Variants in SLC10A7 observed in about 807,000 individuals in gnomAD.
SLC10A7 encodes the protein sodium/bile acid cotransporter 7.
A neutral mutation model predicts 43.2 loss-of-function variants in SLC10A7; 29 were observed. The ratio of observed to expected loss-of-function variants is 0.67; its 90% CI spans 0.50 to 0.92. The LOEUF is 0.92. Ranked by LOEUF, SLC10A7 falls within the 40% of genes least tolerant of loss-of-function variation. The pLI is 0.00. For missense variants in SLC10A7, 295 were observed against 403.2 expected (o/e 0.73, Z 2.30); for synonymous variants, 152 against 144.8 (o/e 1.05, Z -0.35).
intron 5 of SLC10A7, among the ~76,000 whole-genome samples, chr4:146,427,546 A>T (rs1729463341): frequency 6.6e-6 from 1 of 152,194 alleles, no homozygotes; most frequent in Non-Finnish European, 1.5e-5. Context: ...TCAGGATTCA[A>T]CCATCTTTGA....
chr4:146,404,955 T>C (rs1560876721), intron 5 of SLC10A7, among the ~76,000 whole-genome samples: 1 of 152,152 alleles, frequency 6.6e-6, no homozygotes, highest in South Asian at 2.1e-4. Flanking sequence ...TCAGGTCCCA[T>C]CTCGCCTAAC....
intron 4 of SLC10A7, among the ~76,000 whole-genome samples, chr4:146,449,815 T>C (rs771958895): frequency 2.0e-5 from 3 of 152,094 alleles, no homozygotes; most frequent in African/African-American, 7.2e-5. Context: ...AAAACGTAGG[T>C]TTGGCCTCAC....
At position 146,283,204 on chromosome 4, in the gene SLC10A7, A is replaced by G; in HGVS notation, c.835T>C (p.Ser279Pro). 2 of 1,613,046 alleles carry G rather than the reference A, an allele frequency of 1.2e-6. No homozygotes were observed. The highest frequency in any genetic ancestry group is 1.7e-6 in the Non-Finnish European group (2 of 1,179,282). The change falls in exon 10 of 12, where the codon TCC becomes CCC. Residue 279 changes from serine (S) to proline (P), a missense_variant. By Grantham distance (74) the Ser-to-Pro change is moderately conservative (BLOSUM62 -1). Transcript: ENST00000335472. ...GTGAATCACTTACCCAATGTAAGGG[A>G]TTTGTGTGTAGAACAGAAAATGATA... ...VAIIFCSTHK[S>P]LTLGIPMLKI... is the part of the protein sequence containing the mutation.
At chr4:146,477,437 A>G (rs951360377) in intron 4 of SLC10A7, among the ~76,000 whole-genome samples, 1 of 152,230 alleles carries the variant, frequency 6.6e-6, no homozygotes, top group Non-Finnish European at 1.5e-5. Context: ...AAAACTCAAA[A>G]GTTATAATTA....
rs1204557858 is a variant in SLC10A7 at position 146,254,159 on chromosome 4, A to T, written c.*2332T>A. 1 of 152,186 alleles carries T rather than the reference A, an allele frequency of 6.6e-6. No individual in the cohort carries two copies. Among genetic ancestry groups the T allele is most frequent in the African/African-American group, 2.4e-5 (1 of 41,442 alleles). The allele number at this position is 152,186 out of a possible 1,614,324, so 9.4% of individuals were successfully genotyped here. A position where few individuals can be genotyped will look rare whatever the true frequency, so the allele number is the denominator to read the frequency against. ...AACAGAATAGGGAAAAATTTTAAAAAACCCACAAAAATTTTAATACTAAGA... is the reference window on the plus strand; with the variant it reads ...AACAGAATAGGGAAAAATTTTAAAATACCCACAAAAATTTTAATACTAAGA... On this transcript the variant is annotated 3_prime_UTR_variant, in exon 12 of 12. Coordinates refer to ENST00000335472, the MANE Select transcript of SLC10A7 (RefSeq NM_001029998.6).
intron 4 of SLC10A7, among the ~76,000 whole-genome samples, chr4:146,492,219 C>CAAA (rs1425130527): frequency 8.4e-6 from 1 of 119,228 alleles, no homozygotes; most frequent in African/African-American, 3.1e-5. Context: ...GTCTCTGTCT[C>CAAA]AAAAAAAAAA....
chr4:146,262,480 C>T lies in SLC10A7; in HGVS notation c.848-3643G>A, dbSNP rs183348947. Among the ~76,000 whole-genome samples the T allele has an allele frequency of 2.6e-3, 389 of 152,318 alleles. 1 individual carries two copies. The highest frequency in any genetic ancestry group is 4.5e-3 in the Admixed American group (69 of 15,296). On this transcript the variant is annotated intron_variant, in intron 10 of 11. Coordinates refer to ENST00000335472, the MANE Select transcript of SLC10A7 (RefSeq NM_001029998.6). ...GATTTCTGTCAGCTGGCCAAGAATT[C>T]GGCAACATTTGCTCTTCACATCAAA...
intron 7 of SLC10A7, among the ~76,000 whole-genome samples, chr4:146,298,762 C>T (rs1324711661): frequency 1.3e-5 from 2 of 152,126 alleles, no homozygotes; most frequent in African/African-American, 2.4e-5. Flanking sequence ...TCTAGATTGA[C>T]AGAAGGAACA....
chr4:146,373,736 C>T (rs1020818006), intron 5 of SLC10A7, among the ~76,000 whole-genome samples: 1 of 152,150 alleles, frequency 6.6e-6, no homozygotes, highest in Non-Finnish European at 1.5e-5. Flanking sequence ...CTTTCATCCA[C>T]CAGAATCTTA....
intron 4 of SLC10A7, among the ~76,000 whole-genome samples, chr4:146,444,167 G>C (rs1730837747): frequency 6.6e-6 from 1 of 152,148 alleles, no homozygotes; most frequent in Non-Finnish European, 1.5e-5. Context: ...ATAAGTAAAA[G>C]GTTATAAATA....
At chr4:146,481,056 A>G (rs1473732536) in intron 4 of SLC10A7, among the ~76,000 whole-genome samples, 1 of 152,056 alleles carries the variant, frequency 6.6e-6, no homozygotes, top group African/African-American at 2.4e-5. Flanking sequence ...CCTGCCCACC[A>G]AAGGACTCCA....
intron 5 of SLC10A7, among the ~76,000 whole-genome samples, chr4:146,430,476 A>G (rs10017463): frequency 0.82 from 124,415 of 152,138 alleles, 51,539 homozygotes; most frequent in African/African-American, 0.93. Flanking sequence ...ATTAACTTAA[A>G]CTTTCAAGTG....
chr4:146,369,663 A>T lies in SLC10A7; in HGVS notation c.436-43667T>A, dbSNP rs546343307. Among the ~76,000 whole-genome samples the T allele has an allele frequency of 5.9e-5, 9 of 152,214 alleles. No homozygotes were observed. In the South Asian group the frequency reaches 1.7e-3, roughly 28 times the overall value. ...GGCCTGATTACTGATAGAACATAAA[A>T]TGAGTAATGTTAGAGGCCTTATCTT... On this transcript the variant is annotated intron_variant, in intron 5 of 11. Transcript: ENST00000335472.
At chr4:146,513,655 A>G (rs1737681226) in intron 2 of SLC10A7, among the ~76,000 whole-genome samples, 1 of 152,242 alleles carries the variant, frequency 6.6e-6, no homozygotes, top group Non-Finnish European at 1.5e-5. Context: ...ATGTTGGCTC[A>G]TAAGGGGCCT....
intron 4 of SLC10A7, among the ~76,000 whole-genome samples, chr4:146,458,793 T>G (rs1732295223): frequency 6.6e-6 from 1 of 151,994 alleles, no homozygotes; most frequent in Admixed American, 6.6e-5. Context: ...AATCTGTATT[T>G]ACTATTTTAC....
intron 5 of SLC10A7, among the ~76,000 whole-genome samples, chr4:146,364,376 GACCTGATGACTTC>G (rs1736253451): frequency 1.3e-5 from 2 of 152,188 alleles, no homozygotes; most frequent in South Asian, 4.1e-4. Flanking sequence ...AAAAGCTCAG[GACCTGATGACTTC>G]ACTGATGAAT....
intron 5 of SLC10A7, among the ~76,000 whole-genome samples, chr4:146,331,605 T>C (rs555096255): frequency 1.3e-5 from 2 of 152,320 alleles, no homozygotes; most frequent in African/African-American, 4.8e-5. Flanking sequence ...GTTAAATAAA[T>C]GTTTGACAGG....
intron 4 of SLC10A7, among the ~76,000 whole-genome samples, chr4:146,490,464 T>G (rs564972950): frequency 2.0e-5 from 3 of 152,188 alleles, no homozygotes; most frequent in Non-Finnish European, 2.9e-5. Flanking sequence ...TAAATAAATA[T>G]ATAAAATATT....
chr4:146,393,229 C>T (rs908334009), intron 5 of SLC10A7, among the ~76,000 whole-genome samples: 4 of 136,452 alleles, frequency 2.9e-5, no homozygotes, highest in African/African-American at 5.4e-5. Context: ...AAGTCAATTG[C>T]TACTAAGTGT....
Sources: allele counts gnomAD v4.1 joint callset (sites outside exome capture counted in the v4.1 genomes callset), GRCh38; gene constraint gnomAD v4.1.1; transcripts MANE v1.5; gene names NCBI Gene and HGNC (gene_info 2026-07-23, HGNC 2026-07-21).